Variants in EDNRA observed in about 807,000 individuals in gnomAD.
EDNRA encodes endothelin-1 receptor.
In EDNRA, 11 loss-of-function variants were observed where a neutral mutation model predicts 41.4. The observed-to-expected ratio is 0.27, with a 90% CI of 0.17 to 0.44. The LOEUF (loss-of-function observed/expected upper bound fraction) is 0.44. Among genes scored for constraint, EDNRA ranks in the 20% least tolerant of loss-of-function variants. The pLI, the probability that EDNRA is intolerant of heterozygous loss-of-function variation, is 1.00. For missense variants in EDNRA, 294 were observed against 531.0 expected, an observed-to-expected ratio of 0.55 and a Z score of 4.39; for synonymous variants, 172 against 183.0, an observed-to-expected ratio of 0.94 and a Z score of 0.49.
intron 3 of EDNRA, among the ~76,000 whole-genome samples, chr4:147,531,096 T>TA (rs1343431834): frequency 6.6e-6 from 1 of 152,178 alleles, no homozygotes; most frequent in Non-Finnish European, 1.5e-5. Context: ...TCCTTAGACA[T>TA]AACATTTAAA....
chr4:147,538,857 A>C (rs1269235463), intron 5 of EDNRA, among the ~76,000 whole-genome samples: 1 of 152,208 alleles, frequency 6.6e-6, no homozygotes, highest in Non-Finnish European at 1.5e-5. Flanking sequence ...AGGTTGAGCC[A>C]GCATTACCCT....
chr4:147,495,079 C>T (rs1381568038), intron 2 of EDNRA: 1 of 152,152 alleles, frequency 6.6e-6, no homozygotes, highest in East Asian at 1.9e-4. Flanking sequence ...CTATGCCAAG[C>T]TAAGTCGTAT....
rs10305926 is a variant in EDNRA at position 147,540,040 on chromosome 4, G to A, written c.1034+90G>A. 4,851 of 1,483,364 alleles carry A rather than the reference G, an allele frequency of 3.3e-3. 120 individuals are homozygous for A. In the African/African-American group the frequency reaches 0.06, roughly 18 times the overall value. 91.9% of individuals were successfully genotyped at this position (1,483,364 alleles called of 1,614,324 possible). A position where few individuals can be genotyped will look rare whatever the true frequency, so the allele number is the denominator to read the frequency against. On this transcript the variant is annotated intron_variant, in intron 6 of 7. Coordinates refer to ENST00000651419, the MANE Select transcript of EDNRA (RefSeq NM_001957.4). The stretch of plus-strand genomic sequence containing the variant: ...ACAAAACCAGCTACTCTACATGCCC[G>A]TTAGCCCTGAAAATTAAAACTGCAA...
intron 2 of EDNRA, among the ~76,000 whole-genome samples, chr4:147,514,060 T>C (rs1344733072): frequency 1.3e-5 from 2 of 152,250 alleles, no homozygotes; most frequent in Non-Finnish European, 2.9e-5. Context: ...TTATAGCAAT[T>C]CAAAATAACG....
chr4:147,506,449 C>A, intron 2 of EDNRA: 1 of 372,860 alleles, frequency 2.7e-6, no homozygotes, highest in South Asian at 2.5e-5. Context: ...GTAAGGCTAT[C>A]ACAACAACTG....
intron 2 of EDNRA, chr4:147,494,481 A>G (rs1270138935): frequency 1.3e-5 from 2 of 152,276 alleles, no homozygotes; most frequent in African/African-American, 4.8e-5. Flanking sequence ...TAGAGGAAAC[A>G]TCAAGTGCAA....
chr4:147,514,208 C>A (rs903401567), intron 2 of EDNRA, among the ~76,000 whole-genome samples: 1 of 152,114 alleles, frequency 6.6e-6, no homozygotes, highest in Admixed American at 6.5e-5. Context: ...AGACTTACAA[C>A]GGGGAACTGG....
At chr4:147,493,086 G>A (rs1729193082) in intron 2 of EDNRA, 1 of 152,078 alleles carries the variant, frequency 6.6e-6, no homozygotes, top group Admixed American at 6.5e-5. Context: ...TTTCAGTCCT[G>A]TTCTTGTTAG....
chr4:147,518,842 A>G (rs1730212482), intron 2 of EDNRA, among the ~76,000 whole-genome samples: 1 of 152,196 alleles, frequency 6.6e-6, no homozygotes, highest in African/African-American at 2.4e-5. Context: ...AAAAATTAGA[A>G]AGGAAATCAA....
At chr4:147,526,711 G>A (rs914179163) in intron 3 of EDNRA, among the ~76,000 whole-genome samples, 4 of 152,192 alleles carry the variant, frequency 2.6e-5, no homozygotes, top group Admixed American at 6.5e-5. Flanking sequence ...TTAGGAGGCC[G>A]AAGCAGGAGG....
At chr4:147,508,152 T>G (rs1249531437) in intron 2 of EDNRA, among the ~76,000 whole-genome samples, 1 of 152,190 alleles carries the variant, frequency 6.6e-6, no homozygotes, top group African/African-American at 2.4e-5. Flanking sequence ...TTTATTTTTT[T>G]GTTTGAAATG....
intron 2 of EDNRA, among the ~76,000 whole-genome samples, chr4:147,510,656 C>T (rs754835713): frequency 4.6e-5 from 7 of 152,148 alleles, no homozygotes; most frequent in Admixed American, 3.9e-4. Context: ...ATTTACTATA[C>T]ATTTTAGCTT....
chr4:147,524,531 G>GA (rs1176633177), intron 3 of EDNRA, among the ~76,000 whole-genome samples: 1 of 151,134 alleles, frequency 6.6e-6, no homozygotes, highest in South Asian at 2.1e-4. Flanking sequence ...AGAAAGAAAA[G>GA]AAAAAAAAGA....
chr4:147,516,349 C>G (rs565888130), intron 2 of EDNRA, among the ~76,000 whole-genome samples: 61 of 152,324 alleles, frequency 4.0e-4, no homozygotes, highest in African/African-American at 1.3e-3. Flanking sequence ...CTTCCTCAAA[C>G]AACTCGATGG....
Position 147,542,609 on chromosome 4 carries a change from C to T in EDNRA, c.1275C>T (p.Ser425=). ...HNTDRSSHKD[S]MN is the part of the protein sequence containing the mutation. ...CAGACCGGAGCAGCCATAAGGACAG[C>T]ATGAACTGACCACCCTTAGAAGCAC... is the stretch of plus-strand genomic sequence containing the variant. The change falls in exon 8 of 8, where the codon AGC becomes AGT. Residue 425 remains serine (S), a synonymous_variant. Coordinates refer to ENST00000651419, the MANE Select transcript of EDNRA (RefSeq NM_001957.4). 6.2e-7 allele frequency: 1 copy of T among 1,613,996 alleles called. No homozygotes were observed. Among genetic ancestry groups the T allele is most frequent in the Non-Finnish European group, 8.5e-7 (1 of 1,179,960 alleles).
At chr4:147,526,263 A>G (rs1730538585) in intron 3 of EDNRA, among the ~76,000 whole-genome samples, 1 of 152,260 alleles carries the variant, frequency 6.6e-6, no homozygotes, top group African/African-American at 2.4e-5. Context: ...TTAGCAATTC[A>G]GAACAACAAC....
chr4:147,507,459 T>G (rs981427068), intron 2 of EDNRA, among the ~76,000 whole-genome samples: 1 of 152,180 alleles, frequency 6.6e-6, no homozygotes, highest in African/African-American at 2.4e-5. Context: ...ACTATATTAC[T>G]CCATTTATAT....
At chr4:147,533,480 T>C (rs983606833) in intron 4 of EDNRA, among the ~76,000 whole-genome samples, 2 of 152,256 alleles carry the variant, frequency 1.3e-5, no homozygotes, top group African/African-American at 2.4e-5. Flanking sequence ...GTAAGTTTCA[T>C]GTAGCTCACA....
chr4:147,505,621 C>A (rs1195886649), intron 2 of EDNRA, among the ~76,000 whole-genome samples: 1 of 146,620 alleles, frequency 6.8e-6, no homozygotes, highest in Non-Finnish European at 1.5e-5. Context: ...TGATTACAGG[C>A]GTAAGCCACC....
Sources: allele counts gnomAD v4.1 joint callset (sites outside exome capture counted in the v4.1 genomes callset), GRCh38; gene constraint gnomAD v4.1.1; transcripts MANE v1.5; gene names NCBI Gene and HGNC (gene_info 2026-07-23, HGNC 2026-07-21).